Variants in CSMD1 observed in about 807,000 individuals in gnomAD.
CSMD1 encodes the protein CUB and sushi domain-containing protein 1.
In CSMD1, 213 loss-of-function variants were observed where a neutral mutation model predicts 417.5. The observed-to-expected ratio is 0.51, with a 90% CI of 0.46 to 0.57. The LOEUF is 0.57. Ranked by LOEUF, CSMD1 falls within the 20% of genes least tolerant of loss-of-function variation. The pLI, the probability that CSMD1 is intolerant of heterozygous loss-of-function variation, is 0.00. For synonymous variants in CSMD1, 2,862 were observed against 1,736.8 expected, an observed-to-expected ratio of 1.65 and a Z score of -16.11; for missense variants, 6,923 against 4,529.7, an observed-to-expected ratio of 1.53 and a Z score of -15.17.
intron 7 of CSMD1, among the ~76,000 whole-genome samples, chr8:3,628,999 A>G (rs1796635090): frequency 6.6e-6 from 1 of 152,196 alleles, no homozygotes; most frequent in Non-Finnish European, 1.5e-5. Context: ...AAAGGGAAAG[A>G]AAAAGATAAA....
chr8:3,580,405 C>A (rs576671966), intron 9 of CSMD1, among the ~76,000 whole-genome samples: 1 of 151,946 alleles, frequency 6.6e-6, no homozygotes, highest in Non-Finnish European at 1.5e-5. Flanking sequence ...TGGGGGGAGG[C>A]GGATACTCCA....
intron 49 of CSMD1, among the ~76,000 whole-genome samples, chr8:3,079,187 T>C (rs1179210619): frequency 6.6e-6 from 1 of 152,190 alleles, no homozygotes; most frequent in African/African-American, 2.4e-5. Context: ...GCAACTGGGA[T>C]AAACCTCATT....
At chr8:3,566,856 G>C (rs1021517515) in intron 10 of CSMD1, among the ~76,000 whole-genome samples, 2 of 152,174 alleles carry the variant, frequency 1.3e-5, no homozygotes, top group Non-Finnish European at 1.5e-5. Context: ...TAACCTTTGT[G>C]GAAGGCAGCG....
intron 5 of CSMD1, among the ~76,000 whole-genome samples, chr8:3,794,389 T>C (rs922871865): frequency 1.3e-5 from 2 of 152,178 alleles, no homozygotes; most frequent in Admixed American, 6.5e-5. Context: ...GTTTCATCCA[T>C]GTAGTTTTCT....
chr8:3,282,022 A>T (rs1404438138), intron 26 of CSMD1, among the ~76,000 whole-genome samples: 5 of 152,136 alleles, frequency 3.3e-5, no homozygotes, highest in African/African-American at 1.2e-4. Context: ...ACCTTCTGCC[A>T]TGACTGTAAG....
chr8:4,457,798 T>G (rs1052604967), intron 2 of CSMD1, among the ~76,000 whole-genome samples: 1 of 152,170 alleles, frequency 6.6e-6, no homozygotes, highest in Non-Finnish European at 1.5e-5. Context: ...CCCTCTTAGC[T>G]GGCTTCTCAC....
Position 4,236,039 on chromosome 8 carries a change from G to GTTTTTTTTTTTTTT in CSMD1, c.415+183900_415+183913dup, listed in dbSNP as rs869245155. Among the ~76,000 whole-genome samples, 38 of 31,692 alleles carry GTTTTTTTTTTTTTT rather than the reference G, an allele frequency of 1.2e-3. 3 individuals carry two copies. The highest frequency in any genetic ancestry group is 2.3e-3 in the African/African-American group (33 of 14,546). 20.8% of individuals were successfully genotyped at this position (31,692 alleles called of 152,430 possible). A position where few individuals can be genotyped will look rare whatever the true frequency, so the allele number is the denominator to read the frequency against. On this transcript the variant is annotated intron_variant, in intron 3 of 69. Coordinates refer to ENST00000635120, the MANE Select transcript of CSMD1 (RefSeq NM_033225.6). ...TTAATGGATATTGTTTTTTTTGTTT[G>GTTTTTTTTTTTTTT]TTTTTTTTTTTTTTTTTTTTTTTTT...
intron 39 of CSMD1, among the ~76,000 whole-genome samples, chr8:3,152,212 C>T (rs757467712): frequency 1.1e-4 from 17 of 152,158 alleles, no homozygotes; most frequent in South Asian, 2.1e-4. Flanking sequence ...CTTATCTTGG[C>T]GACTCACATG....
At chr8:3,450,948 C>G (rs573378141) in intron 12 of CSMD1, among the ~76,000 whole-genome samples, 1 of 152,190 alleles carries the variant, frequency 6.6e-6, no homozygotes, top group South Asian at 2.1e-4. Context: ...AAAAGTGTTC[C>G]TATTTCACCA....
intron 4 of CSMD1, among the ~76,000 whole-genome samples, chr8:4,015,959 C>T (rs542793700): frequency 1.3e-5 from 2 of 152,224 alleles, no homozygotes; most frequent in Non-Finnish European, 2.9e-5. Flanking sequence ...AGAAGGTTGC[C>T]GTTGGAGGGA....
intron 1 of CSMD1, among the ~76,000 whole-genome samples, chr8:4,724,026 A>G (rs1809249911): frequency 6.6e-6 from 1 of 152,110 alleles, no homozygotes; most frequent in Admixed American, 6.6e-5. Context: ...TGACCATTAA[A>G]TATCAATCAC....
chr8:4,094,144 A>C (rs918914), intron 3 of CSMD1, among the ~76,000 whole-genome samples: 1 of 152,048 alleles, frequency 6.6e-6, no homozygotes, highest in Non-Finnish European at 1.5e-5. Flanking sequence ...GGGGGGGATG[A>C]GGGGACACAG....
intron 32 of CSMD1, among the ~76,000 whole-genome samples, chr8:3,200,732 C>T (rs67653406): frequency 0.21 from 32,007 of 151,822 alleles, 3,591 homozygotes; most frequent in South Asian, 0.3. Flanking sequence ...TCCTCTGATG[C>T]ATTCTTAGAT....
chr8:4,720,783 T>G (rs1426660383), intron 1 of CSMD1, among the ~76,000 whole-genome samples: 2 of 152,194 alleles, frequency 1.3e-5, no homozygotes, highest in African/African-American at 4.8e-5. Flanking sequence ...GTCCATACTT[T>G]GTGACTTAGA....
intron 41 of CSMD1, among the ~76,000 whole-genome samples, chr8:3,141,922 C>T (rs955871192): frequency 2.0e-5 from 3 of 151,806 alleles, no homozygotes; most frequent in Non-Finnish European, 4.4e-5. Flanking sequence ...CTCAGCCTCC[C>T]GAGTAGCTGG....
intron 1 of CSMD1, among the ~76,000 whole-genome samples, chr8:4,740,959 A>G (rs1585027019): frequency 1.3e-5 from 2 of 152,348 alleles, no homozygotes; most frequent in East Asian, 3.9e-4. Flanking sequence ...TATTAAAAAC[A>G]TAATTATTTC....
In CSMD1 at chr8:4,039,241, T is replaced by C. The variant is rs564255064; in HGVS notation, c.416-7142A>G. Among the ~76,000 whole-genome samples, 3 of 152,326 alleles carry C rather than the reference T, an allele frequency of 2.0e-5. No individual in the cohort carries two copies. In the East Asian group the frequency reaches 5.8e-4, roughly 29 times the overall value. ...ATTTCTCTACACTTTGCCTCTGTAGTAGTCTCCTGGTAGCTTAAGAAAATA... is the reference window on the plus strand; with the variant it reads ...ATTTCTCTACACTTTGCCTCTGTAGCAGTCTCCTGGTAGCTTAAGAAAATA... On this transcript the variant is annotated intron_variant, in intron 3 of 69. Transcript: ENST00000635120.
At chr8:3,685,071 T>C (rs1178570415) in intron 7 of CSMD1, among the ~76,000 whole-genome samples, 5 of 152,122 alleles carry the variant, frequency 3.3e-5, no homozygotes, top group Non-Finnish European at 5.9e-5. Flanking sequence ...AAATAAGAGA[T>C]GTCTTCATTA....
rs370427726 is a variant in CSMD1, at chr8:3,387,633, G to C, written c.2643C>G (p.Asn881Lys). ...DSCLDPGIPV[N>K]GHRHGGDFGI... ...CAAAGTCTCCACCGTGGCGATGGCCGTTCACAGGGATGCCCGGGTCCAGGC... is the reference window on the plus strand; with the variant it reads ...CAAAGTCTCCACCGTGGCGATGGCCCTTCACAGGGATGCCCGGGTCCAGGC... Residue 881 changes from asparagine to lysine, a missense_variant, in exon 18 of 70, where the codon AAC becomes AAG. Coordinates refer to ENST00000635120, the MANE Select transcript of CSMD1 (RefSeq NM_033225.6). 1.2e-6 allele frequency: 2 copies of C among 1,600,440 alleles called. No individual in the cohort carries two copies. The highest frequency in any genetic ancestry group is 1.3e-5 in the African/African-American group (1 of 74,786).
Sources: allele counts gnomAD v4.1 joint callset (sites outside exome capture counted in the v4.1 genomes callset), GRCh38; gene constraint gnomAD v4.1.1; transcripts MANE v1.5; gene names NCBI Gene and HGNC (gene_info 2026-07-23, HGNC 2026-07-21).